Variants in PCDHGB5 observed in about 807,000 individuals in gnomAD.
The protein encoded by PCDHGB5 is protocadherin gamma-B5.
Under a neutral mutation model 62.9 loss-of-function variants are expected in PCDHGB5, and 48 were observed. The observed-to-expected ratio is 0.76, with a 90% CI of 0.61 to 0.97. The LOEUF (loss-of-function observed/expected upper bound fraction) is 0.97. Among genes scored for constraint, PCDHGB5 ranks in the 50% least tolerant of loss-of-function variants. The pLI is 0.00. For synonymous variants in PCDHGB5, 474 were observed against 511.2 expected (o/e 0.93, Z 0.98); for missense variants, 1,118 against 1,198.6 (o/e 0.93, Z 0.99).
intron 3 of PCDHGB5, among the ~76,000 whole-genome samples, chr5:141,509,791 C>T (rs2099878284): frequency 6.6e-6 from 1 of 152,164 alleles, no homozygotes; most frequent in Non-Finnish European, 1.5e-5. Flanking sequence ...TCATCATCTC[C>T]TCAGCTTCAT....
intron 1 of PCDHGB5, chr5:141,478,576 G>T (rs543160289): frequency 5.0e-6 from 8 of 1,585,598 alleles, no homozygotes; most frequent in Non-Finnish European, 6.9e-6. Flanking sequence ...GCTTGACCCT[G>T]TTAGTGCTTT....
chr5:141,408,921 C>T (rs1228341286), intron 1 of PCDHGB5: 2 of 1,613,462 alleles, frequency 1.2e-6, no homozygotes, highest in African/African-American at 1.3e-5. Flanking sequence ...GATAACCCCC[C>T]GGTTTTCAGC....
At position 141,398,568 on chromosome 5, in the gene PCDHGB5, G is replaced by A. The variant is rs761294182; in HGVS notation, c.441G>A (p.Gln147=). ...AGCTGCAAATAAGTGAGTCTGCACA[G>A]CCTGGCACAAGATTTATACTAGAAG... ...SFELQISESA[Q]PGTRFILEVA... is the part of the protein sequence containing the mutation. Residue 147 remains glutamine, a synonymous_variant, in exon 1 of 4, where the codon CAG becomes CAA. Coordinates refer to ENST00000617380, the MANE Select transcript of PCDHGB5 (RefSeq NM_018925.3). The A allele has an allele frequency of 3.1e-6, 5 of 1,614,014 alleles. No homozygotes were observed. The highest frequency in any genetic ancestry group is 1.3e-5 in the African/African-American group (1 of 75,052).
intron 2 of PCDHGB5, among the ~76,000 whole-genome samples, chr5:141,500,705 T>A (rs1169100560): frequency 6.6e-6 from 1 of 152,220 alleles, no homozygotes; most frequent in Non-Finnish European, 1.5e-5. Context: ...TTGCAGTGTA[T>A]CATGAGAATT....
At chr5:141,408,847 G>A in intron 1 of PCDHGB5, 1 of 1,613,498 alleles carries the variant, frequency 6.2e-7, no homozygotes, top group African/African-American at 1.3e-5. Flanking sequence ...TGACTGCCTT[G>A]GACGGAGGGG....
chr5:141,428,227 A>T (rs2154552643), intron 1 of PCDHGB5: 1 of 1,100,784 alleles, frequency 9.1e-7, no homozygotes, highest in Admixed American at 1.9e-5. Context: ...CTTCGCAGAC[A>T]GCCTGCAGGA....
At chr5:141,408,003 C>G in intron 1 of PCDHGB5, 1 of 917,520 alleles carries the variant, frequency 1.1e-6, no homozygotes, top group Non-Finnish European at 1.6e-6. Flanking sequence ...GCCTGGGATT[C>G]CCTGCGCAGC....
At chr5:141,413,118 G>A (rs999214227) in intron 1 of PCDHGB5, 4 of 1,517,034 alleles carry the variant, frequency 2.6e-6, no homozygotes, top group Admixed American at 4.3e-5. Flanking sequence ...CAAAGGAACC[G>A]GTTGAAACAC....
chr5:141,494,729 C>T (rs2099756368), intron 1 of PCDHGB5, 78 bp from the exon 2 acceptor site: 31 of 1,610,050 alleles, frequency 1.9e-5, no homozygotes, highest in Admixed American at 3.3e-5. Flanking sequence ...CCTTCTCTCC[C>T]GGCCCATCCC....
chr5:141,470,652 C>T (rs923672818), intron 1 of PCDHGB5, among the ~76,000 whole-genome samples: 1 of 152,100 alleles, frequency 6.6e-6, no homozygotes, highest in African/African-American at 2.4e-5. Context: ...AAGGCCCCTA[C>T]CCTTTGGTTA....
chr5:141,486,166 G>A lies in PCDHGB5; in HGVS notation c.2398-8641G>A. ...GCGATGGGGGTTCTCCAGCCATGGA[G>A]CAACATTGCAGCCTTCGAGTGGATC... On this transcript the variant is annotated intron_variant, in intron 1 of 3. Coordinates refer to ENST00000617380, the MANE Select transcript of PCDHGB5 (RefSeq NM_018925.3). The surrounding 1 kb of genome is among the most constrained non-coding windows in gnomAD (Gnocchi z 5.0). The A allele has an allele frequency of 2.5e-6, 4 of 1,614,224 alleles. No individual in the cohort carries two copies. The highest frequency in any genetic ancestry group is 3.4e-6 in the Non-Finnish European group (4 of 1,180,040).
chr5:141,418,688 A>C, intron 1 of PCDHGB5: 2 of 1,614,032 alleles, frequency 1.2e-6, no homozygotes, highest in Non-Finnish European at 1.7e-6. Flanking sequence ...CAACTCAGAG[A>C]TCACTTATTC....
chr5:141,403,358 G>A (rs1031210052), intron 1 of PCDHGB5: 1 of 1,614,026 alleles, frequency 6.2e-7, no homozygotes. Flanking sequence ...GTTCCAGGCC[G>A]AAAGTCTGGA....
chr5:141,456,641 G>A (rs2098873674), intron 1 of PCDHGB5, among the ~76,000 whole-genome samples: 1 of 152,160 alleles, frequency 6.6e-6, no homozygotes, highest in South Asian at 2.1e-4. Context: ...TACTACAGGT[G>A]TTAATCCCAA....
chr5:141,499,423 G>GA (rs1229901490), intron 2 of PCDHGB5, among the ~76,000 whole-genome samples: 1 of 151,754 alleles, frequency 6.6e-6, no homozygotes, highest in Non-Finnish European at 1.5e-5. Flanking sequence ...ATGAAAAATA[G>GA]AAAAAAAATT....
rs2094321391 is a variant in PCDHGB5, at chr5:141,402,912, G to GCTTCATCA, written c.2397+2389_2397+2390insTTCATCAC. ...AAGAAAGAACCTGATGAAGCAGCGCGCACAGAGATCCTTTTGAGAAAATTC... is the reference window on the plus strand; with the variant it reads ...AAGAAAGAACCTGATGAAGCAGCGCGCTTCATCACACAGAGATCCTTTTGAGAAAATTC... On this transcript the variant is annotated intron_variant, in intron 1 of 3. Coordinates refer to ENST00000617380, the MANE Select transcript of PCDHGB5 (RefSeq NM_018925.3). 6 of 1,553,880 alleles carry GCTTCATCA rather than the reference G, an allele frequency of 3.9e-6. No individual in the cohort carries two copies. In the African/African-American group the frequency reaches 8.2e-5, roughly 21 times the overall value.
chr5:141,423,288 C>T, intron 1 of PCDHGB5: 1 of 1,586,414 alleles, frequency 6.3e-7, no homozygotes, highest in African/African-American at 1.3e-5. Context: ...ACTCTGAAAC[C>T]TCAGACCTCT....
At chr5:141,455,160 G>GT (rs59530096) in intron 1 of PCDHGB5, among the ~76,000 whole-genome samples, 26,536 of 149,098 alleles carry the variant, frequency 0.18, 2,386 homozygotes, top group South Asian at 0.23. Flanking sequence ...TAGTTTGTTG[G>GT]TTTTTTTTTT....
At chr5:141,429,196 A>ACACACT in intron 1 of PCDHGB5, 1 of 151,994 alleles carries the variant, frequency 6.6e-6, no homozygotes, top group Non-Finnish European at 1.5e-5. Context: ...ACACACACAC[A>ACACACT]CACACACACG....
Sources: gnomAD v4.1 joint callset for allele counts (sites outside exome capture counted in the v4.1 genomes callset) on GRCh38, gnomAD v4.1.1 for gene constraint, Gnocchi (gnomAD v3.1) non-coding constraint, MANE v1.5 for transcripts, NCBI Gene and HGNC (gene_info 2026-07-23, HGNC 2026-07-21) for gene names.